Variants in USP7 observed in about 807,000 individuals in gnomAD.
USP7 encodes ubiquitin C-terminal hydrolase 7.
Under a neutral mutation model 162.9 loss-of-function variants are expected in USP7, and 9 were observed. The ratio of observed to expected loss-of-function variants is 0.06; its 90% CI spans 0.03 to 0.10. The LOEUF is 0.10. Among genes scored for constraint, USP7 ranks in the 10% least tolerant of loss-of-function variants. The probability of loss-of-function intolerance (pLI) is 1.00; values close to 1 mark genes in which losing one functional copy is unlikely to be tolerated. For synonymous variants in USP7, 562 were observed against 475.9 expected (o/e 1.18, Z -2.35); for missense variants, 715 against 1,373.7 (o/e 0.52, Z 7.58).
In USP7 at chr16:8,893,991, T is replaced by C; in HGVS notation, c.*7A>G. On this transcript the variant is annotated 3_prime_UTR_variant, in exon 31 of 31. Coordinates refer to ENST00000344836, the MANE Select transcript of USP7 (RefSeq NM_003470.3). ...CCGTCCTCGCCTTGAACACACCAGC[T>C]TGGAAATCAGTTATGGATTTTAATG... is the stretch of plus-strand genomic sequence containing the variant. 6.2e-7 allele frequency: 1 copy of C among 1,613,856 alleles called. No homozygotes were observed. Among genetic ancestry groups the C allele is most frequent in the East Asian group, 2.2e-5 (1 of 44,878 alleles).
intron 1 of USP7, among the ~76,000 whole-genome samples, chr16:8,956,083 C>T (rs543876343): frequency 3.6e-4 from 55 of 152,280 alleles, no homozygotes; most frequent in Admixed American, 1.0e-3. Context: ...TAACAACTTA[C>T]TGTGAGAGCT....
At chr16:8,942,550 C>T (rs1899095488) in intron 1 of USP7, among the ~76,000 whole-genome samples, 1 of 152,128 alleles carries the variant, frequency 6.6e-6, no homozygotes, top group Non-Finnish European at 1.5e-5. Context: ...ATTTGGCTTA[C>T]GGCTTATTTA....
At chr16:8,944,130 C>A (rs1899175701) in intron 1 of USP7, among the ~76,000 whole-genome samples, 1 of 152,010 alleles carries the variant, frequency 6.6e-6, no homozygotes, top group Non-Finnish European at 1.5e-5. Context: ...CTCTGAGGAA[C>A]AGAAACTCTC....
At chr16:8,907,403 T>G (rs766586267) in intron 12 of USP7, among the ~76,000 whole-genome samples, 1 of 152,212 alleles carries the variant, frequency 6.6e-6, no homozygotes, top group Non-Finnish European at 1.5e-5. Flanking sequence ...GCAAGTAAAG[T>G]GATTTGATTA....
chr16:8,915,711 T>C (rs1897335770), intron 8 of USP7, among the ~76,000 whole-genome samples, 186 bp from the exon 9 acceptor site: 1 of 152,254 alleles, frequency 6.6e-6, no homozygotes, highest in Non-Finnish European at 1.5e-5. Flanking sequence ...CAAACATCTC[T>C]ACATGCAACA....
chr16:8,900,389 G>T (rs1279323777), intron 21 of USP7, 141 bp downstream of exon 21: 1 of 513,086 alleles, frequency 1.9e-6, no homozygotes, highest in Non-Finnish European at 3.4e-6. Context: ...AAAACCCAGA[G>T]AAAGCCTCTC....
At chr16:8,894,922 G>A (rs2061658665) in intron 28 of USP7, 67 bp from the exon 29 acceptor site, 9 of 1,613,596 alleles carry the variant, frequency 5.6e-6, no homozygotes, top group Non-Finnish European at 2.5e-6. Context: ...TCACGTGGCA[G>A]CCGCCAAAAC....
intron 4 of USP7, 70 bp from the exon 5 acceptor site, chr16:8,920,517 A>G: frequency 3.8e-6 from 5 of 1,315,330 alleles, no homozygotes; most frequent in Non-Finnish European, 3.2e-6. Flanking sequence ...GACAAATTAC[A>G]TTAGTGCCCT....
At chr16:8,942,839 C>T (rs1322344807) in intron 1 of USP7, among the ~76,000 whole-genome samples, 1 of 152,202 alleles carries the variant, frequency 6.6e-6, no homozygotes, top group East Asian at 1.9e-4. Flanking sequence ...TGAGCCACCA[C>T]ATCCAGCCAC....
Position 8,963,251 on chromosome 16 carries a change from G to T in USP7, c.35C>A (p.Ala12Glu). Residue 12 changes from alanine (A) to glutamate (E), a missense_variant, in exon 1 of 31, where the codon GCG becomes GAG. Physicochemically the swap from Ala to Glu is moderately radical, Grantham distance 107. This residue lies in a region of USP7 where 137 missense variants were observed against 123.5 expected (regional missense o/e 1.11). Coordinates refer to ENST00000344836, the MANE Select transcript of USP7 (RefSeq NM_003470.3). ...NHQQQQQQQK[A>E]GEQQLSEPED... ...GGGCTCGCTCAACTGCTGCTCGCCC[G>T]CTTTCTGCTGCTGCTGCTGCTGCTG... 3 of 1,380,516 alleles carry T rather than the reference G, an allele frequency of 2.2e-6. No individual in the cohort carries two copies. The highest frequency in any genetic ancestry group is 2.8e-6 in the Non-Finnish European group (3 of 1,055,488). The allele number at this position is 1,380,516 out of a possible 1,614,324, so 85.5% of individuals were successfully genotyped here. A position where few individuals can be genotyped will look rare whatever the true frequency, so the allele number is the denominator to read the frequency against.
intron 26 of USP7, 62 bp from the exon 27 acceptor site, chr16:8,895,803 A>C: frequency 3.4e-6 from 4 of 1,174,416 alleles, no homozygotes; most frequent in Non-Finnish European, 4.8e-6. Context: ...TAAAAATAAA[A>C]TGGTTTTCTA....
intron 1 of USP7, among the ~76,000 whole-genome samples, chr16:8,938,302 C>G (rs1308811365): frequency 6.6e-6 from 1 of 150,498 alleles, no homozygotes; most frequent in Non-Finnish European, 1.5e-5. Flanking sequence ...TTTGAGATAA[C>G]TGTAGATTCA....
intron 10 of USP7, among the ~76,000 whole-genome samples, chr16:8,914,043 C>T (rs2061992256): frequency 6.6e-6 from 1 of 152,086 alleles, no homozygotes; most frequent in East Asian, 1.9e-4. Flanking sequence ...CATCCTCCCC[C>T]TTATTTTAAA....
intron 29 of USP7, 56 bp from the exon 30 acceptor site, chr16:8,894,696 C>A: frequency 6.2e-7 from 1 of 1,611,936 alleles, no homozygotes. Context: ...GCAAAACTCA[C>A]ATCTCTGGCA....
intron 1 of USP7, among the ~76,000 whole-genome samples, chr16:8,949,167 C>T (rs1899436286): frequency 1.3e-5 from 2 of 152,206 alleles, no homozygotes. Context: ...TGAATTATCT[C>T]TCAATGAAGT....
chr16:8,952,629 T>A (rs559796133), intron 1 of USP7, among the ~76,000 whole-genome samples: 1 of 152,248 alleles, frequency 6.6e-6, no homozygotes, highest in East Asian at 1.9e-4. Context: ...GCCCACCTCC[T>A]CACTAGGGAT....
intron 15 of USP7, among the ~76,000 whole-genome samples, chr16:8,904,167 C>T (rs1287635636): frequency 1.3e-5 from 2 of 152,310 alleles, no homozygotes; most frequent in African/African-American, 2.4e-5. Flanking sequence ...ACAACAGTCC[C>T]GGTTTGTGTA....
At chr16:8,906,647 T>C in intron 12 of USP7, 65 bp from the exon 13 acceptor site, 1 of 1,497,246 alleles carries the variant, frequency 6.7e-7, no homozygotes, top group African/African-American at 1.4e-5. Flanking sequence ...CACTTTACAG[T>C]AAGTAAGGCC....
chr16:8,913,072 G>T (rs573487992), intron 10 of USP7, among the ~76,000 whole-genome samples: 16 of 152,142 alleles, frequency 1.1e-4, no homozygotes, highest in African/African-American at 3.1e-4. Context: ...AAGCACATGG[G>T]GGGCTGGGCA....
Sources: allele counts gnomAD v4.1 joint callset (sites outside exome capture counted in the v4.1 genomes callset), GRCh38; gene constraint gnomAD v4.1.1; regional missense constraint gnomAD v4.1.1; transcripts MANE v1.5; gene names NCBI Gene and HGNC (gene_info 2026-07-23, HGNC 2026-07-21).